Variants in SPATA6 observed in about 807,000 individuals in gnomAD.
SPATA6 encodes the protein spermatogenesis associated 6, also known as spermatogenesis-associated protein 6.
SPATA6 carries 56 observed loss-of-function variants against 65.3 expected under a neutral mutation model. The observed-to-expected ratio is 0.86, with a 90% CI of 0.69 to 1.07. SPATA6 has a LOEUF of 1.07. Ranked by LOEUF, SPATA6 falls within the 50% of genes least tolerant of loss-of-function variation. The probability of loss-of-function intolerance (pLI) is 0.00; values close to 1 mark genes in which losing one functional copy is unlikely to be tolerated. For missense variants in SPATA6, 590 were observed against 594.8 expected (o/e 0.99, Z 0.08); for synonymous variants, 199 against 213.2 (o/e 0.93, Z 0.58).
intron 3 of SPATA6, among the ~76,000 whole-genome samples, chr1:48,438,345 G>C (rs778644480): frequency 6.6e-6 from 1 of 152,084 alleles, no homozygotes; most frequent in Admixed American, 6.5e-5. Flanking sequence ...TTTTTCCTTA[G>C]AATTTGGGGG....
At chr1:48,330,666 G>A (rs1186408373) in intron 11 of SPATA6, among the ~76,000 whole-genome samples, 1 of 152,222 alleles carries the variant, frequency 6.6e-6, no homozygotes, top group Non-Finnish European at 1.5e-5. Context: ...TGAATGTGTT[G>A]AGGGGCACAG....
intron 9 of SPATA6, among the ~76,000 whole-genome samples, chr1:48,368,884 T>G (rs867088355): frequency 6.6e-6 from 1 of 152,192 alleles, no homozygotes; most frequent in Non-Finnish European, 1.5e-5. Context: ...TTTTTTAGAT[T>G]TCCAGTTTTT....
At chr1:48,314,228 C>T (rs961794532) in intron 11 of SPATA6, among the ~76,000 whole-genome samples, 6 of 152,220 alleles carry the variant, frequency 3.9e-5, no homozygotes, top group African/African-American at 1.4e-4. Flanking sequence ...CCCGAATCAA[C>T]AGAATATACA....
intron 3 of SPATA6, among the ~76,000 whole-genome samples, chr1:48,418,637 T>C (rs1378676593): frequency 6.8e-6 from 1 of 146,062 alleles, no homozygotes; most frequent in Non-Finnish European, 1.5e-5. Flanking sequence ...CTGAGGTAGA[T>C]CACTTGAGCC....
At chr1:48,391,205 A>G (rs1321616413) in intron 8 of SPATA6, among the ~76,000 whole-genome samples, 1 of 456 alleles carries the variant, frequency 2.2e-3, no homozygotes. Flanking sequence ...TCTCTACAGA[A>G]AAAAAAAAAA....
chr1:48,345,823 T>A (rs532958378), intron 11 of SPATA6, among the ~76,000 whole-genome samples: 2 of 151,932 alleles, frequency 1.3e-5, no homozygotes, highest in Non-Finnish European at 2.9e-5. Flanking sequence ...ACCAATGACA[T>A]GTTCTGAAAT....
At chr1:48,433,738 T>TA (rs996733540) in intron 3 of SPATA6, among the ~76,000 whole-genome samples, 15 of 152,180 alleles carry the variant, frequency 9.9e-5, no homozygotes, top group African/African-American at 3.4e-4. Context: ...TCCTTAGTCC[T>TA]ACAAGCTCTC....
intron 9 of SPATA6, 43 bp from the exon 10 acceptor site, chr1:48,359,813 A>G: frequency 7.1e-7 from 1 of 1,401,936 alleles, no homozygotes; most frequent in Non-Finnish European, 9.7e-7. Context: ...AAATACAGAT[A>G]CATATGTATA....
intron 3 of SPATA6, among the ~76,000 whole-genome samples, chr1:48,447,093 T>C (rs1656123701): frequency 6.6e-6 from 1 of 152,192 alleles, no homozygotes; most frequent in Non-Finnish European, 1.5e-5. Context: ...AACATTTGCT[T>C]TTCTCTAGCT....
chr1:48,465,958 A>G (rs1434190786), intron 1 of SPATA6, among the ~76,000 whole-genome samples: 1 of 152,176 alleles, frequency 6.6e-6, no homozygotes, highest in Non-Finnish European at 1.5e-5. Flanking sequence ...CAGTAATTAT[A>G]AACAGGTTTT....
intron 9 of SPATA6, among the ~76,000 whole-genome samples, chr1:48,369,332 C>T (rs530407335): frequency 6.6e-6 from 1 of 152,330 alleles, no homozygotes; most frequent in South Asian, 2.1e-4. Context: ...CAGACAGGGA[C>T]ATTTAAGTCT....
chr1:48,381,558 TA>T (rs1281166305), intron 9 of SPATA6, among the ~76,000 whole-genome samples: 2 of 151,710 alleles, frequency 1.3e-5, no homozygotes, highest in Non-Finnish European at 2.9e-5. Flanking sequence ...TAGCACAAAA[TA>T]GTTTAATAGT....
At chr1:48,272,400 T>G in the SPATA6 span, among the ~76,000 whole-genome samples, 1 of 152,190 alleles carries the variant, frequency 6.6e-6, no homozygotes, top group African/African-American at 2.4e-5. Context: ...TCTATGAGTT[T>G]GACTATTTGA....
intron 1 of SPATA6, among the ~76,000 whole-genome samples, chr1:48,466,381 T>C (rs545797794): frequency 6.6e-6 from 1 of 152,168 alleles, no homozygotes; most frequent in African/African-American, 2.4e-5. Context: ...ATACTATTTG[T>C]GCAAAATTTA....
At position 48,376,665 on chromosome 1, in the gene SPATA6, T is replaced by G. The variant is rs181114363; in HGVS notation, c.909+8644A>C. Among the ~76,000 whole-genome samples, 19 of 152,286 alleles carry G rather than the reference T, an allele frequency of 1.2e-4. No homozygotes were observed. The East Asian group carries it at 3.7e-3, about 29-fold the overall frequency. ...AGTCATGTGTTCTCATTGTTAAGTA[T>G]GCATTGCTTAACAATGGCGATACCT... On this transcript the variant is annotated intron_variant, in intron 9 of 12. Transcript: ENST00000371847.
chr1:48,374,839 A>G (rs985125112), intron 9 of SPATA6, among the ~76,000 whole-genome samples: 2 of 152,168 alleles, frequency 1.3e-5, no homozygotes, highest in African/African-American at 2.4e-5. Flanking sequence ...AGCTCTCTTA[A>G]AACACTCAAG....
chr1:48,420,107 C>T (rs2148014989), intron 3 of SPATA6, among the ~76,000 whole-genome samples: 1 of 152,182 alleles, frequency 6.6e-6, no homozygotes, highest in African/African-American at 2.4e-5. Flanking sequence ...TCAAGTTGAT[C>T]ACCAATGGCC....
At chr1:48,313,581 T>A (rs949763999) in intron 11 of SPATA6, among the ~76,000 whole-genome samples, 1 of 152,150 alleles carries the variant, frequency 6.6e-6, no homozygotes, top group Non-Finnish European at 1.5e-5. Context: ...TACCAGCCAC[T>A]GCAAAAACAT....
At chr1:48,435,045 C>T (rs1654768810) in intron 3 of SPATA6, among the ~76,000 whole-genome samples, 1 of 151,486 alleles carries the variant, frequency 6.6e-6, no homozygotes, top group Non-Finnish European at 1.5e-5. Flanking sequence ...CTCCCTAGAG[C>T]CTGAGGTGAT....
Sources: gnomAD v4.1 joint callset for allele counts (sites outside exome capture counted in the v4.1 genomes callset) on GRCh38, gnomAD v4.1.1 for gene constraint, MANE v1.5 for transcripts, NCBI Gene and HGNC (gene_info 2026-07-23, HGNC 2026-07-21) for gene names.